KCNMA1: variants seen among roughly 807,000 people sequenced by gnomAD.
KCNMA1 encodes potassium calcium-activated channel subfamily M alpha 1.
A neutral mutation model predicts 140.0 loss-of-function variants in KCNMA1; 29 were observed. The ratio of observed to expected loss-of-function variants is 0.21; its 90% CI spans 0.15 to 0.28. The LOEUF (loss-of-function observed/expected upper bound fraction) is 0.28, where lower values mean the gene tolerates loss of function less well. KCNMA1 is among the 10% of genes least tolerant of loss of function. The probability of loss-of-function intolerance (pLI) is 1.00; values close to 1 mark genes in which losing one functional copy is unlikely to be tolerated. For synonymous variants in KCNMA1, 612 were observed against 611.9 expected, an observed-to-expected ratio of 1.00 and a Z score of 0.00; for missense variants, 880 against 1,602.2, an observed-to-expected ratio of 0.55 and a Z score of 7.70.
intron 23 of KCNMA1, among the ~76,000 whole-genome samples, chr10:76,916,570 C>T (rs1225982534): frequency 2.0e-5 from 3 of 152,216 alleles, no homozygotes; most frequent in African/African-American, 4.8e-5. Context: ...ACACTCACTT[C>T]GGTTTCTCCT....
In KCNMA1 at chr10:76,909,935, T is replaced by C. The variant is rs377318041; in HGVS notation, c.3147+31A>G. The C allele has an allele frequency of 1.9e-6, 3 of 1,608,774 alleles. No individual in the cohort carries two copies. In the African/African-American group the frequency reaches 4.0e-5, roughly 22 times the overall value. On this transcript the variant is annotated intron_variant, in intron 25 of 27. Transcript: ENST00000286628. ...GCTCTATTGGCACATCCTCCACCCT[T>C]GAGTGAGGAGGAGGGAACAGGATAA...
intron 5 of KCNMA1, among the ~76,000 whole-genome samples, chr10:77,152,787 C>A (rs912443275): frequency 4.6e-5 from 7 of 152,202 alleles, no homozygotes; most frequent in African/African-American, 1.4e-4. Context: ...TAAGGGCAAG[C>A]GGGTCTGGGT....
intron 1 of KCNMA1, among the ~76,000 whole-genome samples, chr10:77,614,355 C>T (rs1269885765): frequency 1.3e-5 from 2 of 152,094 alleles, no homozygotes; most frequent in East Asian, 1.9e-4. Flanking sequence ...TGTCCTGTCT[C>T]AGTGGCCCAC....
chr10:77,561,937 G>T (rs961562436), intron 1 of KCNMA1, among the ~76,000 whole-genome samples: 1 of 152,128 alleles, frequency 6.6e-6, no homozygotes, highest in East Asian at 1.9e-4. Flanking sequence ...CATGTTTCGG[G>T]GCTGGAAAGA....
chr10:77,420,892 A>G (rs1013958959), intron 1 of KCNMA1, among the ~76,000 whole-genome samples: 6 of 152,218 alleles, frequency 3.9e-5, no homozygotes, highest in African/African-American at 1.4e-4. Flanking sequence ...GTATCATGCA[A>G]TGGTACAATT....
chr10:76,895,068 C>CA (rs2151972098), intron 25 of KCNMA1, among the ~76,000 whole-genome samples: 2 of 152,348 alleles, frequency 1.3e-5, no homozygotes, highest in African/African-American at 4.8e-5. Flanking sequence ...CTATAGATTA[C>CA]AGACATTGTA....
At chr10:77,166,648 A>G (rs1024480843) in intron 5 of KCNMA1, among the ~76,000 whole-genome samples, 5 of 151,752 alleles carry the variant, frequency 3.3e-5, no homozygotes, top group African/African-American at 1.2e-4. Flanking sequence ...GGGAGAGGAG[A>G]AGGAGGAAGA....
chr10:76,883,079 G>T (rs2035311581), downstream of KCNMA1, among the ~76,000 whole-genome samples: 1 of 152,096 alleles, frequency 6.6e-6, no homozygotes, highest in South Asian at 2.1e-4. Flanking sequence ...AGCTTTTTCT[G>T]GTCATCTGGG....
intron 19 of KCNMA1, among the ~76,000 whole-genome samples, chr10:76,973,670 C>T (rs2076706712): frequency 6.6e-6 from 1 of 152,166 alleles, no homozygotes; most frequent in Non-Finnish European, 1.5e-5. Context: ...GACTTTTCAT[C>T]AGCATTCTGT....
chr10:77,245,736 A>G (rs1222412898), intron 3 of KCNMA1, among the ~76,000 whole-genome samples: 2 of 152,234 alleles, frequency 1.3e-5, no homozygotes, highest in Non-Finnish European at 1.5e-5. Flanking sequence ...ATGCCAAATC[A>G]CAAGGACAGA....
At chr10:77,022,442 C>A (rs916476925) in intron 16 of KCNMA1, among the ~76,000 whole-genome samples, 5 of 152,158 alleles carry the variant, frequency 3.3e-5, no homozygotes, top group East Asian at 3.9e-4. Context: ...CAGAAAACAT[C>A]CAGTGACAGC....
chr10:77,339,843 A>G (rs2090383862), intron 2 of KCNMA1, among the ~76,000 whole-genome samples: 1 of 152,232 alleles, frequency 6.6e-6, no homozygotes, highest in Non-Finnish European at 1.5e-5. Flanking sequence ...TTAACCTGAT[A>G]TTGCCCTTCC....
intron 1 of KCNMA1, among the ~76,000 whole-genome samples, chr10:77,412,163 C>A (rs944942078): frequency 1.3e-5 from 2 of 152,182 alleles, no homozygotes; most frequent in Non-Finnish European, 2.9e-5. Flanking sequence ...ATGTTCTGCC[C>A]AGCACCCTGG....
chr10:77,247,182 C>T (rs933034302), intron 3 of KCNMA1, among the ~76,000 whole-genome samples: 2 of 152,166 alleles, frequency 1.3e-5, no homozygotes, highest in Non-Finnish European at 2.9e-5. Context: ...AGCGTTTAAA[C>T]ATGAATCAAA....
At chr10:77,266,494 T>A (rs1280387165) in intron 2 of KCNMA1, among the ~76,000 whole-genome samples, 4 of 152,246 alleles carry the variant, frequency 2.6e-5, no homozygotes, top group Admixed American at 2.6e-4. Flanking sequence ...CTCTCCAGCA[T>A]TACCTATGTT....
chr10:77,342,298 G>A (rs1021258377), intron 2 of KCNMA1, among the ~76,000 whole-genome samples: 1 of 152,152 alleles, frequency 6.6e-6, no homozygotes. Flanking sequence ...TATATGCCAG[G>A]CACATGCAAG....
At chr10:76,916,945 C>T (rs1243291486) in intron 23 of KCNMA1, among the ~76,000 whole-genome samples, 2 of 152,204 alleles carry the variant, frequency 1.3e-5, no homozygotes, top group African/African-American at 4.8e-5. Flanking sequence ...CATTCCCTGA[C>T]TGCACTTAAA....
chr10:77,515,566 G>T (rs2050099466), intron 1 of KCNMA1, among the ~76,000 whole-genome samples: 1 of 152,158 alleles, frequency 6.6e-6, no homozygotes, highest in Non-Finnish European at 1.5e-5. Context: ...GCACCAGCCA[G>T]AGGGCAAGGA....
At chr10:76,959,589 T>C (rs1324924803) in intron 20 of KCNMA1, among the ~76,000 whole-genome samples, 2 of 152,246 alleles carry the variant, frequency 1.3e-5, no homozygotes, top group Non-Finnish European at 2.9e-5. Flanking sequence ...CTTATGGTTA[T>C]CATCCTTTAT....
Sources: gnomAD v4.1 joint callset for allele counts (sites outside exome capture counted in the v4.1 genomes callset) on GRCh38, gnomAD v4.1.1 for gene constraint, MANE v1.5 for transcripts, NCBI Gene and HGNC (gene_info 2026-07-23, HGNC 2026-07-21) for gene names.